CSMD3: variants seen among roughly 807,000 people sequenced by gnomAD.
CSMD3 encodes CUB and sushi domain-containing protein 3.
In CSMD3, 177 loss-of-function variants were observed where a neutral mutation model predicts 435.2. That is an observed-to-expected ratio of 0.41 (90% CI 0.36 to 0.46). The LOEUF (loss-of-function observed/expected upper bound fraction) is 0.46. Among genes scored for constraint, CSMD3 ranks in the 20% least tolerant of loss-of-function variants. The pLI is 0.34. For missense variants in CSMD3, 4,265 were observed against 4,504.6 expected, an observed-to-expected ratio of 0.95 and a Z score of 1.52; for synonymous variants, 1,656 against 1,520.5, an observed-to-expected ratio of 1.09 and a Z score of -2.07.
At position 112,376,501 on chromosome 8, in the gene CSMD3, C is replaced by T. The variant is rs548160473; in HGVS notation, c.6136+3851G>A. 2.6e-5 allele frequency among the ~76,000 whole-genome samples: 4 copies of T among 152,042 alleles called. No individual in the cohort carries two copies. The South Asian group carries it at 6.3e-4, about 24-fold the overall frequency. ...ATGCTTATCAATTGCAGCTGTTGTT[C>T]GCTCCCACTGAGAGTTTCACGTCAT... On this transcript the variant is annotated intron_variant, in intron 38 of 70. Transcript: ENST00000297405.
At chr8:113,028,884 G>A (rs1247050558) in intron 5 of CSMD3, among the ~76,000 whole-genome samples, 1 of 151,478 alleles carries the variant, frequency 6.6e-6, no homozygotes, top group African/African-American at 2.4e-5. Flanking sequence ...CTATCCAGAC[G>A]GTCTAGCTAA....
At chr8:113,275,911 T>C (rs937600332) in intron 3 of CSMD3, among the ~76,000 whole-genome samples, 1 of 152,044 alleles carries the variant, frequency 6.6e-6, no homozygotes, top group African/African-American at 2.4e-5. Flanking sequence ...TAGATCTATT[T>C]TACTGTATCA....
intron 2 of CSMD3, chr8:113,311,711 C>T (rs981385663): frequency 3.3e-5 from 5 of 152,012 alleles, no homozygotes; most frequent in African/African-American, 1.2e-4. Context: ...CTGGAACGGG[C>T]TGTAGGTTAC....
chr8:112,990,150 C>T (rs1003838649), intron 6 of CSMD3, among the ~76,000 whole-genome samples: 16 of 152,016 alleles, frequency 1.1e-4, no homozygotes, highest in South Asian at 6.2e-4. Context: ...GTCCCGAATA[C>T]GTCTTTATTA....
intron 9 of CSMD3, among the ~76,000 whole-genome samples, chr8:112,945,032 A>C (rs2083560933): frequency 6.6e-6 from 1 of 151,756 alleles, no homozygotes; most frequent in Admixed American, 6.6e-5. Context: ...GAAATCTCTA[A>C]ATCTTCTAAA....
intron 9 of CSMD3, among the ~76,000 whole-genome samples, chr8:112,939,303 C>T (rs1201490518): frequency 6.6e-6 from 1 of 152,000 alleles, no homozygotes; most frequent in Non-Finnish European, 1.5e-5. Flanking sequence ...ACTTTTAAAT[C>T]TTCATTCATT....
intron 27 of CSMD3, 94 bp downstream of exon 27, chr8:112,550,577 A>C: frequency 5.8e-6 from 4 of 686,706 alleles, no homozygotes; most frequent in Non-Finnish European, 1.0e-5. Flanking sequence ...AAATCATTAA[A>C]ATTTTAAAAT....
rs1471192437 is a variant in CSMD3 at position 112,292,458 on chromosome 8, A to G, written c.8788+79T>C. 62 of 1,430,326 alleles carry G rather than the reference A, an allele frequency of 4.3e-5. No homozygotes were observed. In the East Asian group the frequency reaches 1.4e-3, roughly 32 times the overall value. 88.6% of individuals were successfully genotyped at this position (1,430,326 alleles called of 1,614,324 possible). A position where few individuals can be genotyped will look rare whatever the true frequency, so the allele number is the denominator to read the frequency against. ...TAAAAACTTTTTACTATTCTGCTCA[A>G]GCTGTTTTAAGTGTGTCACTGATGT... On this transcript the variant is annotated intron_variant, in intron 55 of 70. Transcript: ENST00000297405.
intron 5 of CSMD3, among the ~76,000 whole-genome samples, chr8:113,049,621 C>T (rs1266473881): frequency 6.6e-6 from 1 of 152,050 alleles, no homozygotes; most frequent in African/African-American, 2.4e-5. Flanking sequence ...AACAAAAGGG[C>T]AAACTATATT....
At chr8:112,472,730 T>A (rs1586438662) in intron 31 of CSMD3, 23 bp from the exon 32 acceptor site, 1 of 1,322,372 alleles carries the variant, frequency 7.6e-7, no homozygotes, top group Non-Finnish European at 1.1e-6. Flanking sequence ...GGCAAAAATA[T>A]CATTTTTAGA....
chr8:113,124,840 A>G (rs2091082784), intron 4 of CSMD3, among the ~76,000 whole-genome samples: 1 of 151,864 alleles, frequency 6.6e-6, no homozygotes, highest in Admixed American at 6.6e-5. Context: ...CTCTTATCTC[A>G]CCTATGAAAA....
intron 22 of CSMD3, among the ~76,000 whole-genome samples, chr8:112,606,968 C>A (rs1832835684): frequency 5.7e-5 from 2 of 34,964 alleles, no homozygotes; most frequent in East Asian, 8.3e-4. Flanking sequence ...ACCCCTCAAG[C>A]TATGAAAAAA....
intron 22 of CSMD3, among the ~76,000 whole-genome samples, chr8:112,624,692 A>G (rs1457697583): frequency 6.6e-6 from 1 of 152,040 alleles, no homozygotes; most frequent in Non-Finnish European, 1.5e-5. Context: ...ATAAATGAAT[A>G]AAAGTACTAG....
intron 27 of CSMD3, among the ~76,000 whole-genome samples, chr8:112,522,435 G>A (rs1824392528): frequency 6.6e-6 from 1 of 151,828 alleles, no homozygotes. Flanking sequence ...TCCACTGAAA[G>A]AGTTCATAGC....
At chr8:112,859,021 G>C in intron 11 of CSMD3, 124 bp downstream of exon 11, 2 of 819,562 alleles carry the variant, frequency 2.4e-6, no homozygotes, top group Admixed American at 2.1e-5. Flanking sequence ...TGTTAAGTAG[G>C]GAATATTGCG....
At chr8:112,888,145 G>A (rs1019062758) in intron 10 of CSMD3, among the ~76,000 whole-genome samples, 2 of 151,616 alleles carry the variant, frequency 1.3e-5, no homozygotes. Context: ...ATGTCCTTGA[G>A]GTTTAGGGAA....
intron 7 of CSMD3, among the ~76,000 whole-genome samples, chr8:112,975,470 A>T (rs1222966618): frequency 6.6e-6 from 1 of 152,128 alleles, no homozygotes; most frequent in Non-Finnish European, 1.5e-5. Flanking sequence ...AAATATATGC[A>T]CTTATTAATC....
intron 22 of CSMD3, among the ~76,000 whole-genome samples, chr8:112,602,507 C>T (rs185684292): frequency 3.3e-5 from 5 of 149,852 alleles, no homozygotes; most frequent in East Asian, 2.0e-4. Flanking sequence ...CGGAGGTTGC[C>T]GTGAGCCAAG....
intron 6 of CSMD3, among the ~76,000 whole-genome samples, chr8:112,992,757 C>A (rs1171144084): frequency 6.6e-6 from 1 of 151,632 alleles, no homozygotes; most frequent in Admixed American, 6.6e-5. Flanking sequence ...TAAAACAAAT[C>A]ACTTCACTGT....
Sources: allele counts gnomAD v4.1 joint callset (sites outside exome capture counted in the v4.1 genomes callset), GRCh38; gene constraint gnomAD v4.1.1; transcripts MANE v1.5; gene names NCBI Gene and HGNC (gene_info 2026-07-23, HGNC 2026-07-21).